LRRC4C: variants seen among roughly 807,000 people sequenced by gnomAD.
The protein encoded by LRRC4C is leucine rich repeat containing 4C, also known as leucine-rich repeat-containing protein 4C.
Under a neutral mutation model 33.6 loss-of-function variants are expected in LRRC4C, and 5 were observed. The ratio of observed to expected loss-of-function variants is 0.15; its 90% CI spans 0.08 to 0.31. LRRC4C has a LOEUF of 0.31. Among genes scored for constraint, LRRC4C ranks in the 10% least tolerant of loss-of-function variants. The pLI, the probability that LRRC4C is intolerant of heterozygous loss-of-function variation, is 1.00. For synonymous variants in LRRC4C, 329 were observed against 302.0 expected (o/e 1.09, Z -0.93); for missense variants, 560 against 796.7 (o/e 0.70, Z 3.58).
At chr11:40,649,848 TC>T (rs1942682656) in intron 2 of LRRC4C, among the ~76,000 whole-genome samples, 1 of 152,142 alleles carries the variant, frequency 6.6e-6, no homozygotes, top group African/African-American at 2.4e-5. Flanking sequence ...CTGCCACAGC[TC>T]CAGCCAGTCC....
At chr11:40,408,253 T>C (rs1950030060) in intron 3 of LRRC4C, among the ~76,000 whole-genome samples, 2 of 151,966 alleles carry the variant, frequency 1.3e-5, no homozygotes, top group Non-Finnish European at 1.5e-5. Flanking sequence ...ATAATTTAAT[T>C]AACATATAAC....
intron 2 of LRRC4C, among the ~76,000 whole-genome samples, chr11:40,743,899 T>G (rs561206534): frequency 6.6e-6 from 1 of 152,244 alleles, no homozygotes; most frequent in Admixed American, 6.5e-5. Context: ...CTGGGTATAT[T>G]ATGTCTTCTA....
intron 3 of LRRC4C, among the ~76,000 whole-genome samples, chr11:40,542,966 T>C (rs974059063): frequency 6.6e-6 from 1 of 152,158 alleles, no homozygotes; most frequent in African/African-American, 2.4e-5. Flanking sequence ...GTTTTCAGCA[T>C]ACAGATTTCT....
chr11:41,053,236 C>T (rs901909453), intron 1 of LRRC4C, among the ~76,000 whole-genome samples: 27 of 152,170 alleles, frequency 1.8e-4, no homozygotes, highest in African/African-American at 5.1e-4. Flanking sequence ...TTGCTGATTA[C>T]GTTGCATAAG....
chr11:40,945,745 T>C (rs1958366985), intron 1 of LRRC4C, among the ~76,000 whole-genome samples: 1 of 152,182 alleles, frequency 6.6e-6, no homozygotes, highest in Admixed American at 6.5e-5. Context: ...TTGTTGCTCC[T>C]GTATATTCCT....
At chr11:41,057,674 A>AGCCCAACCTAGG (rs1328992806) in intron 1 of LRRC4C, among the ~76,000 whole-genome samples, 2 of 152,208 alleles carry the variant, frequency 1.3e-5, no homozygotes, top group African/African-American at 4.8e-5. Context: ...TGCAGAGAAG[A>AGCCCAACCTAGG]GCAACCCAAC....
chr11:40,984,343 T>A (rs12280796), intron 1 of LRRC4C, among the ~76,000 whole-genome samples: 320 of 60,508 alleles, frequency 5.3e-3, no homozygotes, highest in South Asian at 8.7e-3. Flanking sequence ...AGAAAGAAAG[T>A]AGGAAAGAGA....
chr11:40,656,123 T>C (rs1000067494), intron 2 of LRRC4C, among the ~76,000 whole-genome samples: 1 of 152,076 alleles, frequency 6.6e-6, no homozygotes, highest in South Asian at 2.1e-4. Flanking sequence ...TATCATGGAG[T>C]AAACTACCTC....
At chr11:41,253,841 G>A (rs879459499) in intron 1 of LRRC4C, among the ~76,000 whole-genome samples, 33 of 152,016 alleles carry the variant, frequency 2.2e-4, no homozygotes, top group African/African-American at 6.3e-4. Flanking sequence ...TAATGACGGC[G>A]GCAGTTTTAG....
intron 1 of LRRC4C, among the ~76,000 whole-genome samples, chr11:41,188,287 T>C (rs1212860022): frequency 6.6e-6 from 1 of 152,182 alleles, no homozygotes; most frequent in Non-Finnish European, 1.5e-5. Context: ...TTAAGCAACA[T>C]ATTCTTATTT....
chr11:41,170,081 A>G (rs1425563049), intron 1 of LRRC4C, among the ~76,000 whole-genome samples: 1 of 152,096 alleles, frequency 6.6e-6, no homozygotes. Context: ...CATAACTTCA[A>G]ATTTTACACA....
At chr11:41,187,374 T>C (rs1945741404) in intron 1 of LRRC4C, among the ~76,000 whole-genome samples, 1 of 152,032 alleles carries the variant, frequency 6.6e-6, no homozygotes, top group Non-Finnish European at 1.5e-5. Flanking sequence ...TCGAGAAAAA[T>C]GCACTGGCGA....
intron 1 of LRRC4C, among the ~76,000 whole-genome samples, chr11:40,972,311 A>T (rs355235): frequency 0.48 from 72,540 of 151,642 alleles, 17,757 homozygotes; most frequent in East Asian, 0.53. Flanking sequence ...TAATTTTTGT[A>T]TTTTTAGTAG....
intron 1 of LRRC4C, among the ~76,000 whole-genome samples, chr11:41,025,826 A>C (rs141494957): frequency 2.0e-3 from 299 of 151,850 alleles, no homozygotes; most frequent in African/African-American, 7.0e-3. Flanking sequence ...AAAGCTTCAA[A>C]GTTTTATGCC....
At chr11:40,231,051 G>T (rs1039173988) in intron 5 of LRRC4C, among the ~76,000 whole-genome samples, 11 of 152,116 alleles carry the variant, frequency 7.2e-5, no homozygotes, top group Admixed American at 5.9e-4. Context: ...AAATAACAAG[G>T]AATGAATGAG....
chr11:40,355,233 C>T (rs1437590128), intron 3 of LRRC4C, among the ~76,000 whole-genome samples: 1 of 152,160 alleles, frequency 6.6e-6, no homozygotes, highest in Non-Finnish European at 1.5e-5. Context: ...CACCTCTCCT[C>T]ATGCAAAATG....
At chr11:40,124,285 C>T (rs994452166) in intron 6 of LRRC4C, among the ~76,000 whole-genome samples, 5 of 152,088 alleles carry the variant, frequency 3.3e-5, no homozygotes, top group Non-Finnish European at 7.4e-5. Context: ...TAATATAATC[C>T]AGCAGTTCCA....
chr11:41,239,795 C>T (rs1293826010), intron 1 of LRRC4C, among the ~76,000 whole-genome samples: 1 of 152,128 alleles, frequency 6.6e-6, no homozygotes, highest in African/African-American at 2.4e-5. Context: ...CCCAGAACAG[C>T]TCCTTGTACA....
At chr11:40,220,679 C>T (rs1848307989) in intron 5 of LRRC4C, among the ~76,000 whole-genome samples, 1 of 151,974 alleles carries the variant, frequency 6.6e-6, no homozygotes, top group South Asian at 2.1e-4. Context: ...ATTTTTTTAA[C>T]TTTTGAAGAC....
Sources: gnomAD v4.1 joint callset for allele counts (sites outside exome capture counted in the v4.1 genomes callset) on GRCh38, gnomAD v4.1.1 for gene constraint, MANE v1.5 for transcripts, NCBI Gene and HGNC (gene_info 2026-07-23, HGNC 2026-07-21) for gene names.